Variants in ADAM12 observed in about 807,000 individuals in gnomAD.
ADAM12 encodes the protein ADAM metallopeptidase domain 12, also known as disintegrin and metalloproteinase domain-containing protein 12.
In ADAM12, 70 loss-of-function variants were observed where a neutral mutation model predicts 106.4. The observed-to-expected ratio is 0.66, with a 90% CI of 0.54 to 0.80. The LOEUF (loss-of-function observed/expected upper bound fraction) is 0.80, where lower values mean the gene tolerates loss of function less well. ADAM12 is among the 30% of genes least tolerant of loss of function. The pLI is 0.00. For synonymous variants in ADAM12, 420 were observed against 433.5 expected (o/e 0.97, Z 0.39); for missense variants, 1,010 against 1,171.9 (o/e 0.86, Z 2.02).
rs893177020 is a variant in ADAM12 at position 126,066,928 on chromosome 10, C to G, written c.1324-122G>C. The G allele has an allele frequency of 9.5e-5, 82 of 860,576 alleles. No individual in the cohort carries two copies. Among genetic ancestry groups the G allele is most frequent in the Non-Finnish European group, 1.3e-4 (72 of 535,158 alleles). The allele number at this position is 860,576 out of a possible 1,614,324, so 53.3% of individuals were successfully genotyped here. A position where few individuals can be genotyped will look rare whatever the true frequency, so the allele number is the denominator to read the frequency against. ...AGACCAAGAGGGCCCAGCTCCTGAA[C>G]TGCACACCTGCCTGTTTCCGTCTGT... On this transcript the variant is annotated intron_variant, in intron 12 of 22. Transcript: ENST00000448723. This position sits in a 1 kb window ranked among gnomAD's most constrained non-coding sequence, Gnocchi z 5.1.
At chr10:126,125,814 C>T (rs541283619) in intron 5 of ADAM12, among the ~76,000 whole-genome samples, 3 of 151,698 alleles carry the variant, frequency 2.0e-5, no homozygotes, top group South Asian at 2.1e-4. Flanking sequence ...ATAAATCTAA[C>T]GACACATGTC....
At chr10:126,289,512 G>A (rs1329743553) in intron 2 of ADAM12, among the ~76,000 whole-genome samples, 1 of 152,220 alleles carries the variant, frequency 6.6e-6, no homozygotes, top group Non-Finnish European at 1.5e-5. Context: ...ATGAGGAGGT[G>A]TGCTCACCAT....
At chr10:126,258,775 C>T (rs773884573) in intron 3 of ADAM12, among the ~76,000 whole-genome samples, 2 of 151,674 alleles carry the variant, frequency 1.3e-5, no homozygotes, top group Admixed American at 1.3e-4. Context: ...GACAGTACTT[C>T]TAGCCTGTGG....
intron 3 of ADAM12, among the ~76,000 whole-genome samples, chr10:126,229,944 G>A (rs184096440): frequency 1.3e-3 from 93 of 74,214 alleles, no homozygotes; most frequent in African/African-American, 2.8e-3. Flanking sequence ...GGTGCTCAAC[G>A]AGTTGTGCTT....
chr10:126,028,717 G>A (rs1308942247), intron 21 of ADAM12, among the ~76,000 whole-genome samples: 1 of 152,052 alleles, frequency 6.6e-6, no homozygotes, highest in Non-Finnish European at 1.5e-5. Flanking sequence ...AGAAAATCTA[G>A]GCAACACCAT....
chr10:126,155,456 A>T, intron 3 of ADAM12, 151 bp from the exon 4 acceptor site: 1 of 654,338 alleles, frequency 1.5e-6, no homozygotes, highest in Non-Finnish European at 2.6e-6. Flanking sequence ...GGGCCTTCCC[A>T]GTTTAGGTTC....
chr10:126,380,020 A>T (rs1856434811), intron 1 of ADAM12, among the ~76,000 whole-genome samples: 1 of 152,240 alleles, frequency 6.6e-6, no homozygotes, highest in Admixed American at 6.5e-5. Flanking sequence ...AGAAAACGTT[A>T]TCCAATGAAG....
chr10:126,041,714 C>T (rs1954175472), intron 18 of ADAM12: 1 of 1,019,704 alleles, frequency 9.8e-7, no homozygotes, highest in East Asian at 9.6e-5. Context: ...GACCAGTCAT[C>T]AGGGCTGCCA....
intron 18 of ADAM12, chr10:126,042,390 G>C: frequency 1.0e-6 from 1 of 981,644 alleles, no homozygotes; most frequent in Non-Finnish European, 1.5e-6. Context: ...AGCTTCTTGG[G>C]GGACAGGCAG....
chr10:126,182,889 A>C (rs1403674792), intron 3 of ADAM12, among the ~76,000 whole-genome samples: 1 of 152,082 alleles, frequency 6.6e-6, no homozygotes, highest in East Asian at 1.9e-4. Context: ...GGGGTCCCAA[A>C]CCCCCGGGCC....
chr10:126,235,004 C>T (rs1312934623), intron 3 of ADAM12, among the ~76,000 whole-genome samples: 3 of 152,300 alleles, frequency 2.0e-5, no homozygotes, highest in African/African-American at 4.8e-5. Context: ...TTGAGACAGG[C>T]CTCCTGGGAC....
intron 3 of ADAM12, among the ~76,000 whole-genome samples, chr10:126,207,207 C>T (rs7908754): frequency 0.015 from 2,336 of 152,170 alleles, 46 homozygotes; most frequent in African/African-American, 0.045. Context: ...CTTGAGATCA[C>T]AGATGAGAAA....
chr10:126,269,710 C>G (rs1055104286), intron 3 of ADAM12, among the ~76,000 whole-genome samples: 1 of 152,164 alleles, frequency 6.6e-6, no homozygotes, highest in Non-Finnish European at 1.5e-5. Flanking sequence ...GGATTTTCGT[C>G]AGAAAACCCT....
At chr10:126,368,004 T>TA (rs1204827628) in intron 1 of ADAM12, among the ~76,000 whole-genome samples, 10 of 151,770 alleles carry the variant, frequency 6.6e-5, no homozygotes, top group Admixed American at 6.6e-4. Context: ...AAAACAGACA[T>TA]AAAATCCTTA....
At chr10:126,166,203 T>G (rs1006666) in intron 3 of ADAM12, among the ~76,000 whole-genome samples, 3 of 152,142 alleles carry the variant, frequency 2.0e-5, no homozygotes, top group Admixed American at 6.5e-5. Context: ...GTTATGATTG[T>G]CTTTTGGGAC....
intron 12 of ADAM12, among the ~76,000 whole-genome samples, chr10:126,069,433 T>C (rs1415171594): frequency 6.6e-6 from 1 of 152,194 alleles, no homozygotes; most frequent in Non-Finnish European, 1.5e-5. Context: ...AAATACAAAG[T>C]TGGTAACTGC....
At chr10:126,121,692 T>C (rs1956118992) in intron 5 of ADAM12, among the ~76,000 whole-genome samples, 1 of 151,766 alleles carries the variant, frequency 6.6e-6, no homozygotes, top group South Asian at 2.1e-4. Flanking sequence ...GAAGGGACTG[T>C]GTAAGGTGTT....
At position 126,237,893 on chromosome 10, in the gene ADAM12, T is replaced by A. The variant is rs1008630640; in HGVS notation, c.260+41022A>T. ...TGACATAAAGATCAAGGTGTGTCATTCTGTGCTCTCAACAGTGCCCAGCAC... is the reference window on the plus strand; with the variant it reads ...TGACATAAAGATCAAGGTGTGTCATACTGTGCTCTCAACAGTGCCCAGCAC... On this transcript the variant is annotated intron_variant, in intron 3 of 22. Coordinates refer to ENST00000448723, the MANE Select transcript of ADAM12 (RefSeq NM_001288973.2). Among the ~76,000 whole-genome samples the A allele has an allele frequency of 2.0e-5, 3 of 152,182 alleles. No homozygotes were observed. The South Asian group carries it at 6.2e-4, about 32-fold the overall frequency.
intron 22 of ADAM12, among the ~76,000 whole-genome samples, 163 bp from the exon 23 acceptor site, chr10:126,017,502 G>T (rs530479804): frequency 6.6e-6 from 1 of 152,052 alleles, no homozygotes; most frequent in African/African-American, 2.4e-5. Context: ...CTCCAAAGCC[G>T]CACTTCCCAC....
Sources: allele counts gnomAD v4.1 joint callset (sites outside exome capture counted in the v4.1 genomes callset), GRCh38; gene constraint gnomAD v4.1.1; non-coding constraint Gnocchi (gnomAD v3.1); transcripts MANE v1.5; gene names NCBI Gene and HGNC (gene_info 2026-07-23, HGNC 2026-07-21).